The following ANKS1B variants were observed in gnomAD, a reference collection of about 807,000 sequenced individuals.
ANKS1B encodes the protein ankyrin repeat and sterile alpha motif domain-containing protein 1B.
Under a neutral mutation model 148.3 loss-of-function variants are expected in ANKS1B, and 36 were observed. That is an observed-to-expected ratio of 0.24 (90% CI 0.19 to 0.32). The LOEUF is 0.32. ANKS1B is among the 10% of genes least tolerant of loss of function. ANKS1B has a pLI of 1.00. For missense variants in ANKS1B, 1,157 were observed against 1,542.6 expected (o/e 0.75, Z 4.19); for synonymous variants, 542 against 560.8 (o/e 0.97, Z 0.47).
At chr12:99,248,937 A>G (rs577012269) in intron 12 of ANKS1B, among the ~76,000 whole-genome samples, 4 of 152,336 alleles carry the variant, frequency 2.6e-5, no homozygotes, top group Admixed American at 1.3e-4. Flanking sequence ...AAAGTGGACT[A>G]AAAGCATCAG....
intron 8 of ANKS1B, among the ~76,000 whole-genome samples, chr12:99,665,028 TG>T (rs1002150245): frequency 3.9e-5 from 6 of 152,220 alleles, no homozygotes; most frequent in African/African-American, 1.4e-4. Flanking sequence ...CATCTATTTA[TG>T]GGCATTTGGT....
intron 1 of ANKS1B, among the ~76,000 whole-genome samples, chr12:99,908,028 G>A (rs2093855864): frequency 6.6e-6 from 1 of 152,074 alleles, no homozygotes; most frequent in Non-Finnish European, 1.5e-5. Flanking sequence ...GAACCTGCTA[G>A]TACTGATCAT....
intron 12 of ANKS1B, among the ~76,000 whole-genome samples, chr12:99,369,791 T>TA (rs879173702): frequency 1.6e-3 from 231 of 148,886 alleles, no homozygotes; most frequent in South Asian, 5.3e-3. Context: ...GATAGATAGA[T>TA]GGACGGACGG....
intron 25 of ANKS1B, among the ~76,000 whole-genome samples, chr12:98,752,473 G>A (rs904149600): frequency 1.3e-5 from 2 of 151,968 alleles, no homozygotes; most frequent in African/African-American, 4.8e-5. Context: ...TGGCCAGGCT[G>A]GTCTCATATT....
chr12:99,332,608 C>T (rs912357168), intron 12 of ANKS1B, among the ~76,000 whole-genome samples: 4 of 148,254 alleles, frequency 2.7e-5, no homozygotes, highest in Admixed American at 6.8e-5. Flanking sequence ...TACAGGAGAA[C>T]AAGTATTGGA....
At chr12:99,300,661 ATGT>A (rs1439218307) in intron 12 of ANKS1B, among the ~76,000 whole-genome samples, 1 of 152,190 alleles carries the variant, frequency 6.6e-6, no homozygotes, top group East Asian at 1.9e-4. Context: ...AGCAAGTAAA[ATGT>A]TGTGTTCAAA....
chr12:99,811,490 C>G (rs2068364300), intron 3 of ANKS1B, among the ~76,000 whole-genome samples: 1 of 151,888 alleles, frequency 6.6e-6, no homozygotes, highest in Non-Finnish European at 1.5e-5. Context: ...TTTCTAGAAT[C>G]TGTGGTCCTA....
chr12:99,738,144 C>T (rs534731270), intron 8 of ANKS1B, among the ~76,000 whole-genome samples: 15 of 152,086 alleles, frequency 9.9e-5, no homozygotes, highest in Non-Finnish European at 1.6e-4. Flanking sequence ...TATAATGTTC[C>T]CAGTATCATA....
rs2095750277 is a variant in ANKS1B, at chr12:99,984,231, T to C, written c.7A>G (p.Lys3Glu). The change falls in exon 1 of 27, where the codon AAG (lysine) becomes GAG (glutamate). Residue 3 changes from lysine to glutamate, a missense_variant. Physicochemically the swap from Lys to Glu is moderately conservative, Grantham distance 56 (BLOSUM62 1). Coordinates refer to ENST00000683438, the MANE Select transcript of ANKS1B (RefSeq NM_001352186.2). ...GCAGCTTCCAGCAGCTCCTGGTCCT[T>C]CCCCATAGTCTCTCACCGACTCCCC... The part of the protein sequence containing the change: MG[K>E]DQELLEAART... 1 of 1,612,684 alleles carries C rather than the reference T, an allele frequency of 6.2e-7. No homozygotes were observed. Among genetic ancestry groups the C allele is most frequent in the African/African-American group, 1.3e-5 (1 of 74,778 alleles).
chr12:99,610,597 G>C (rs1464322825), intron 9 of ANKS1B, among the ~76,000 whole-genome samples: 1 of 152,078 alleles, frequency 6.6e-6, no homozygotes, highest in African/African-American at 2.4e-5. Context: ...GGAAGCAGGA[G>C]AAAGAAGGGT....
At chr12:99,257,070 C>T (rs144232524) in intron 12 of ANKS1B, among the ~76,000 whole-genome samples, 2,173 of 152,186 alleles carry the variant, frequency 0.014, 24 homozygotes, top group Non-Finnish European at 0.02. Context: ...CTGTGAAACC[C>T]GGTCTCTACT....
chr12:99,820,208 A>G (rs2082342162), intron 2 of ANKS1B, among the ~76,000 whole-genome samples: 1 of 151,906 alleles, frequency 6.6e-6, no homozygotes. Flanking sequence ...TACATTTTCC[A>G]TTGTGTCCTG....
chr12:99,208,316 C>T (rs1384233770), intron 14 of ANKS1B, among the ~76,000 whole-genome samples: 1 of 152,110 alleles, frequency 6.6e-6, no homozygotes, highest in Non-Finnish European at 1.5e-5. Context: ...ACTATAACTT[C>T]ACAGTGATCT....
intron 17 of ANKS1B, among the ~76,000 whole-genome samples, chr12:98,853,908 G>C (rs545174570): frequency 1.3e-5 from 2 of 152,296 alleles, no homozygotes; most frequent in South Asian, 4.1e-4. Flanking sequence ...CAACCGACAG[G>C]AAAGCAGAAG....
chr12:99,589,550 T>C (rs1751877967), intron 9 of ANKS1B, among the ~76,000 whole-genome samples: 1 of 152,182 alleles, frequency 6.6e-6, no homozygotes, highest in African/African-American at 2.4e-5. Flanking sequence ...TTACCTAAAT[T>C]ATGTCTTAAT....
intron 9 of ANKS1B, among the ~76,000 whole-genome samples, chr12:99,527,178 G>A (rs2096935098): frequency 1.3e-5 from 2 of 151,942 alleles, no homozygotes; most frequent in African/African-American, 2.4e-5. Context: ...ACTTTCTTAT[G>A]GAAACCCTAG....
Position 99,643,203 on chromosome 12 carries a change from G to A in ANKS1B, c.1272+11864C>T, listed in dbSNP as rs776530040. 8.3e-4 allele frequency among the ~76,000 whole-genome samples: 126 copies of A among 151,980 alleles called. 1 individual carries two copies. Among genetic ancestry groups the A allele is most frequent in the South Asian group, 2.1e-4 (1 of 4,820 alleles). On this transcript the variant is annotated intron_variant, in intron 9 of 26. Coordinates refer to ENST00000683438, the MANE Select transcript of ANKS1B (RefSeq NM_001352186.2). The stretch of plus-strand genomic sequence containing the variant: ...TAAAATCCATTCATGCCATCTCAAC[G>A]TCCCATAAATCTTAACCCATTACAC...
At chr12:99,541,809 C>A (rs1314243746) in intron 9 of ANKS1B, among the ~76,000 whole-genome samples, 3 of 151,510 alleles carry the variant, frequency 2.0e-5, no homozygotes, top group Admixed American at 2.0e-4. Context: ...GAGCCGAGAT[C>A]ATGCCACTGC....
chr12:99,102,458 A>T (rs1383582413), intron 15 of ANKS1B, among the ~76,000 whole-genome samples: 3 of 151,998 alleles, frequency 2.0e-5, no homozygotes, highest in Non-Finnish European at 4.4e-5. Flanking sequence ...TAAGAATAGG[A>T]GGTGACTGGG....
Sources: allele counts gnomAD v4.1 joint callset (sites outside exome capture counted in the v4.1 genomes callset), GRCh38; gene constraint gnomAD v4.1.1; transcripts MANE v1.5; gene names NCBI Gene and HGNC (gene_info 2026-07-23, HGNC 2026-07-21).